The following INVS variants were observed in gnomAD, a reference collection of about 807,000 sequenced individuals.
INVS encodes inversion of embryo turning homolog.
A neutral mutation model predicts 108.8 loss-of-function variants in INVS; 86 were observed. The ratio of observed to expected loss-of-function variants is 0.79; its 90% confidence interval spans 0.66 to 0.95. The LOEUF is 0.95. Ranked by LOEUF, INVS falls within the 40% of genes least tolerant of loss-of-function variation. The probability of loss-of-function intolerance (pLI) is 0.00; values close to 1 mark genes in which losing one functional copy is unlikely to be tolerated. For missense variants in INVS, 1,169 were observed against 1,297.4 expected (o/e 0.90, Z 1.52); for synonymous variants, 455 against 473.5 (o/e 0.96, Z 0.51).
chr9:100,231,371 A>G, intron 5 of INVS, among the ~76,000 whole-genome samples: 1 of 151,906 alleles, frequency 6.6e-6, no homozygotes, highest in South Asian at 2.1e-4. Context: ...TTTTTTTATT[A>G]TTATACTGTA....
intron 3 of INVS, among the ~76,000 whole-genome samples, chr9:100,206,108 A>T (rs900228391): frequency 6.6e-6 from 1 of 152,152 alleles, no homozygotes; most frequent in Non-Finnish European, 1.5e-5. Flanking sequence ...TAGTGAGAAT[A>T]CTTCTGGTTT....
intron 2 of INVS, among the ~76,000 whole-genome samples, chr9:100,113,680 AATG>A (rs1218196450): frequency 1.3e-5 from 2 of 152,078 alleles, no homozygotes; most frequent in East Asian, 1.9e-4. Flanking sequence ...GTAATGATCA[AATG>A]ATGATATTTA....
intron 4 of INVS, among the ~76,000 whole-genome samples, chr9:100,228,199 C>G (rs1238135297): frequency 6.6e-6 from 1 of 152,048 alleles, no homozygotes. Flanking sequence ...CCATGTTGAC[C>G]AGGCTGGTCT....
At chr9:100,104,681 A>G in intron 2 of INVS, 54 bp downstream of exon 2, 2 of 1,197,330 alleles carry the variant, frequency 1.7e-6, no homozygotes, top group East Asian at 2.3e-5. Context: ...TGTCCTGAGG[A>G]AGTTTGTTAA....
chr9:100,164,896 CTT>C (rs71498730), intron 3 of INVS, among the ~76,000 whole-genome samples: 23 of 129,250 alleles, frequency 1.8e-4, no homozygotes, highest in African/African-American at 4.2e-4. Context: ...TTGGCTTTTT[CTT>C]TTTTTTTTTT....
chr9:100,107,927 A>T (rs1415958791), intron 2 of INVS, among the ~76,000 whole-genome samples: 2 of 152,182 alleles, frequency 1.3e-5, no homozygotes, highest in African/African-American at 4.8e-5. Flanking sequence ...ATCATTCTTT[A>T]AGTATCTTTT....
At chr9:100,123,726 G>A (rs1045199704) in intron 2 of INVS, among the ~76,000 whole-genome samples, 4 of 152,168 alleles carry the variant, frequency 2.6e-5, no homozygotes, top group African/African-American at 9.7e-5. Context: ...CCCACCAGTA[G>A]TATATGAGGA....
At chr9:100,149,707 G>A (rs778232750) in intron 3 of INVS, among the ~76,000 whole-genome samples, 4 of 152,002 alleles carry the variant, frequency 2.6e-5, no homozygotes, top group Non-Finnish European at 4.4e-5. Flanking sequence ...ATTTACATGG[G>A]TAAAATGTAT....
chr9:100,292,301 A>C (rs766954660), intron 13 of INVS, 25 bp from the exon 14 acceptor site: 1 of 1,597,274 alleles, frequency 6.3e-7, no homozygotes, highest in Non-Finnish European at 8.6e-7. Flanking sequence ...AGTTTTGGAC[A>C]ATATTTTTTC....
At chr9:100,115,764 A>G (rs765143370) in intron 2 of INVS, among the ~76,000 whole-genome samples, 2 of 152,206 alleles carry the variant, frequency 1.3e-5, no homozygotes, top group South Asian at 4.1e-4. Context: ...TACATTGTGC[A>G]TGTGTCTTTA....
intron 8 of INVS, among the ~76,000 whole-genome samples, chr9:100,249,746 G>C (rs1474661184): frequency 6.9e-6 from 1 of 145,468 alleles, no homozygotes; most frequent in Non-Finnish European, 1.5e-5. Flanking sequence ...CACCCACCTC[G>C]GCCTCCCAAA....
intron 10 of INVS, among the ~76,000 whole-genome samples, chr9:100,263,526 C>A (rs1470859534): frequency 2.6e-5 from 4 of 152,202 alleles, no homozygotes. Flanking sequence ...ATAATTCTTA[C>A]ACTCACCCTC....
chr9:100,240,236 A>G lies in INVS; in HGVS notation c.792A>G (p.Leu264=). ...GAACCCCACTGCACTGGGCAGCTTT[A>G]TTAGGTACGTGACTCAAAGGATCAA... ...LFRTPLHWAA[L]LGHAQIVHLL... The change falls in exon 6 of 17, where the codon TTA becomes TTG. Residue 264 remains leucine, a synonymous_variant. Transcript: ENST00000262457. 1.2e-6 allele frequency: 2 copies of G among 1,613,068 alleles called. No homozygotes were observed. Among genetic ancestry groups the G allele is most frequent in the East Asian group, 2.2e-5 (1 of 44,862 alleles).
rs186353143 is a variant in INVS at position 100,173,561 on chromosome 9, C to T, written c.273+47012C>T. 3.6e-3 allele frequency among the ~76,000 whole-genome samples: 548 copies of T among 152,170 alleles called. 1 individual carries two copies. Among genetic ancestry groups the T allele is most frequent in the Non-Finnish European group, 6.0e-3 (410 of 68,008 alleles). On this transcript the variant is annotated intron_variant, in intron 3 of 16. Coordinates refer to ENST00000262457, the MANE Select transcript of INVS (RefSeq NM_014425.5). ...TGGCCAACATGGTGAAACCCCGTCTCTACTAAAAATACAAAAAATTAGCTG... is the reference window on the plus strand; with the variant it reads ...TGGCCAACATGGTGAAACCCCGTCTTTACTAAAAATACAAAAAATTAGCTG...
At chr9:100,203,106 A>T (rs1830578936) in intron 3 of INVS, among the ~76,000 whole-genome samples, 1 of 152,254 alleles carries the variant, frequency 6.6e-6, no homozygotes, top group African/African-American at 2.4e-5. Flanking sequence ...CAAAGCATAA[A>T]GTCCAACATA....
In INVS at chr9:100,229,890, A is replaced by G. The variant is rs548463812; in HGVS notation, c.615+63A>G. On this transcript the variant is annotated intron_variant, in intron 5 of 16. Transcript: ENST00000262457. ...AAATTTTTTTATTATGAATTATTTA[A>G]TATATACAAAAGTGTATATTTGACG... 4.7e-6 allele frequency: 7 copies of G among 1,480,268 alleles called. No homozygotes were observed. The African/African-American group carries it at 5.6e-5, about 12-fold the overall frequency. 91.7% of individuals were successfully genotyped at this position (1,480,268 alleles called of 1,614,324 possible).
At chr9:100,121,833 T>A (rs1212200697) in intron 2 of INVS, among the ~76,000 whole-genome samples, 1 of 152,132 alleles carries the variant, frequency 6.6e-6, no homozygotes, top group East Asian at 1.9e-4. Flanking sequence ...ATTAAAAGCA[T>A]TCATTACTAT....
intron 10 of INVS, among the ~76,000 whole-genome samples, chr9:100,260,572 A>G (rs1049245791): frequency 6.6e-6 from 1 of 152,218 alleles, no homozygotes; most frequent in Non-Finnish European, 1.5e-5. Flanking sequence ...TTTAATTATC[A>G]TGAATGCTTA....
At chr9:100,119,035 CTG>C (rs1475721561) in intron 2 of INVS, among the ~76,000 whole-genome samples, 3 of 152,232 alleles carry the variant, frequency 2.0e-5, no homozygotes, top group Admixed American at 1.3e-4. Flanking sequence ...TTAATCATGT[CTG>C]TGTGTGTCTA....
Sources: gnomAD v4.1 joint callset for allele counts (sites outside exome capture counted in the v4.1 genomes callset) on GRCh38, gnomAD v4.1.1 for gene constraint, MANE v1.5 for transcripts, NCBI Gene and HGNC (gene_info 2026-07-23, HGNC 2026-07-21) for gene names.